Variants in CATSPERD observed in about 807,000 individuals in gnomAD.
CATSPERD encodes the protein cation channel sperm-associated auxiliary subunit delta.
CATSPERD carries 86 observed loss-of-function variants against 98.1 expected under a neutral mutation model. That is an observed-to-expected ratio of 0.88 (90% CI 0.74 to 1.05). The LOEUF (loss-of-function observed/expected upper bound fraction) is 1.05, where lower values mean the gene tolerates loss of function less well. Among genes scored for constraint, CATSPERD ranks in the 50% least tolerant of loss-of-function variants. The probability of loss-of-function intolerance (pLI) is 0.00; values close to 1 mark genes in which losing one functional copy is unlikely to be tolerated. For missense variants in CATSPERD, 995 were observed against 1,005.7 expected (o/e 0.99, Z 0.14); for synonymous variants, 394 against 390.2 (o/e 1.01, Z -0.12).
At chr19:5,746,321 G>A (rs541381158) in intron 9 of CATSPERD, among the ~76,000 whole-genome samples, 50 of 152,308 alleles carry the variant, frequency 3.3e-4, no homozygotes, top group Admixed American at 9.2e-4. Flanking sequence ...AAGAGTCTCC[G>A]TCATGGAGGT....
At chr19:5,770,828 T>G in intron 18 of CATSPERD, 116 bp from the exon 19 acceptor site, 1 of 1,249,182 alleles carries the variant, frequency 8.0e-7, no homozygotes, top group Non-Finnish European at 1.1e-6. Context: ...AGATGCCACC[T>G]CCTGCCACTC....
chr19:5,757,816 G>A, intron 13 of CATSPERD, 27 bp from the exon 14 acceptor site: 5 of 1,592,954 alleles, frequency 3.1e-6, no homozygotes, highest in Non-Finnish European at 4.3e-6. Flanking sequence ...GCTCCGTACA[G>A]CCTGAGCTTC....
At chr19:5,738,033 C>G (rs1400063993) in intron 6 of CATSPERD, among the ~76,000 whole-genome samples, 1 of 151,856 alleles carries the variant, frequency 6.6e-6, no homozygotes. Flanking sequence ...TATAGTTGAC[C>G]TTTGAACAAC....
At chr19:5,759,322 G>A (rs954152286) in intron 15 of CATSPERD, among the ~76,000 whole-genome samples, 178 bp downstream of exon 15, 1 of 152,036 alleles carries the variant, frequency 6.6e-6, no homozygotes, top group Non-Finnish European at 1.5e-5. Context: ...AGTACTTTGG[G>A]AGGCAGAGGT....
At position 5,771,049 on chromosome 19, in the gene CATSPERD, C is replaced by T; in HGVS notation, c.1740C>T (p.Thr580=). Residue 580 remains threonine (T), a synonymous_variant, in exon 19 of 22, where the codon ACC becomes ACT. Transcript: ENST00000381624. The part of the protein sequence containing the change: ...LGCPLLVYYD[T]LWKPVVELWR... ...GTCCTCTCCTCGTCTACTATGACAC[C>T]CTATGGAAGCCCGTGGTGGAGCTGT... 1.9e-6 allele frequency: 3 copies of T among 1,613,838 alleles called. No homozygotes were observed. Among genetic ancestry groups the T allele is most frequent in the Non-Finnish European group, 2.5e-6 (3 of 1,179,896 alleles).
At chr19:5,769,209 C>A (rs2056601085) in intron 18 of CATSPERD, among the ~76,000 whole-genome samples, 1 of 150,528 alleles carries the variant, frequency 6.6e-6, no homozygotes, top group Admixed American at 6.6e-5. Flanking sequence ...GTGGCTCACA[C>A]CTGTAATCCC....
chr19:5,740,307 G>C (rs921911939), intron 7 of CATSPERD, among the ~76,000 whole-genome samples: 2 of 148,956 alleles, frequency 1.3e-5, no homozygotes, highest in South Asian at 4.3e-4. Flanking sequence ...AATAAAATAA[G>C]CTGGGCGCAG....
intron 11 of CATSPERD, 116 bp from the exon 12 acceptor site, chr19:5,751,531 C>CAAAAAAAAAAAAAAA (rs57266365): frequency 2.6e-5 from 4 of 155,740 alleles, no homozygotes; most frequent in African/African-American, 2.4e-4. Flanking sequence ...GAGACTCCAT[C>CAAAAAAAAAAAAAAA]AAAAAAAAAA....
At position 5,778,415 on chromosome 19, in the gene CATSPERD, T is replaced by C; in HGVS notation, c.2136T>C (p.Tyr712=). ...QLETIFSIYV[Y]GAFPVQLVSA... ...AGACCATCTTTAGCATCTACGTGTA[T>C]GGAGCATTCCCCGTGCAGCTGGTCT... The change falls in exon 22 of 22, where the codon TAT becomes TAC. Residue 712 remains tyrosine, a synonymous_variant. Transcript: ENST00000381624. 1 of 1,613,654 alleles carries C rather than the reference T, an allele frequency of 6.2e-7. No homozygotes were observed. Among genetic ancestry groups the C allele is most frequent in the Non-Finnish European group, 8.5e-7 (1 of 1,179,942 alleles).
intron 17 of CATSPERD, 34 bp downstream of exon 17, chr19:5,766,189 T>C: frequency 6.3e-7 from 1 of 1,590,558 alleles, no homozygotes; most frequent in Non-Finnish European, 8.6e-7. Flanking sequence ...CATGGCTCAT[T>C]CCTGTGATCC....
At chr19:5,733,432 C>CCTTTCTTT (rs58636983) in intron 4 of CATSPERD, among the ~76,000 whole-genome samples, 2 of 144,800 alleles carry the variant, frequency 1.4e-5, no homozygotes, top group Non-Finnish European at 3.0e-5. Flanking sequence ...CTTCCTTCCT[C>CCTTTCTTT]CTTTCTTTCT....
At position 5,763,288 on chromosome 19, in the gene CATSPERD, C is replaced by T; in HGVS notation, c.1501C>T (p.Pro501Ser). The T allele has an allele frequency of 6.2e-7, 1 of 1,613,062 alleles. No homozygotes were observed. Among genetic ancestry groups the T allele is most frequent in the Non-Finnish European group, 8.5e-7 (1 of 1,179,114 alleles). The change falls in exon 16 of 22, where the codon CCA becomes TCA. Residue 501 changes from proline to serine, a missense_variant. This residue lies in a region of CATSPERD where 762 missense variants were observed against 773.7 expected (regional missense o/e 0.98). Coordinates refer to ENST00000381624, the MANE Select transcript of CATSPERD (RefSeq NM_152784.4). ...NKEISCVDIKPLSTLISVGCD... is the reference protein window; with the variant it reads ...NKEISCVDIKSLSTLISVGCD... ...GGAAATTTCATGTGTGGATATCAAG[C>T]CACTGGTAGGTCCCAAATCTTTGCT...
chr19:5,722,410 C>T (rs1219845231), intron 1 of CATSPERD, among the ~76,000 whole-genome samples: 2 of 152,138 alleles, frequency 1.3e-5, no homozygotes, highest in Admixed American at 6.6e-5. Context: ...CGTGTGCCAC[C>T]GCGCCCGGCC....
intron 18 of CATSPERD, among the ~76,000 whole-genome samples, chr19:5,770,075 C>T (rs541596668): frequency 1.0e-3 from 127 of 123,022 alleles, no homozygotes; most frequent in Non-Finnish European, 1.7e-3. Flanking sequence ...GGCAACAGAG[C>T]GAGACTCTGT....
chr19:5,777,236 A>G (rs2056754794), intron 21 of CATSPERD, among the ~76,000 whole-genome samples: 1 of 151,938 alleles, frequency 6.6e-6, no homozygotes, highest in Non-Finnish European at 1.5e-5. Flanking sequence ...TGCCTTCTCT[A>G]GAGGCCCCAG....
At chr19:5,769,700 C>A (rs371448985) in intron 18 of CATSPERD, among the ~76,000 whole-genome samples, 3 of 152,114 alleles carry the variant, frequency 2.0e-5, no homozygotes, top group African/African-American at 7.2e-5. Context: ...GACTTTGGAA[C>A]CTGCGGAGGA....
At chr19:5,777,203 G>GA (rs368828906) in intron 21 of CATSPERD, among the ~76,000 whole-genome samples, 51 of 150,490 alleles carry the variant, frequency 3.4e-4, no homozygotes, top group African/African-American at 9.0e-4. Flanking sequence ...TTCACCCCCT[G>GA]AAAAAAAAAC....
intron 11 of CATSPERD, among the ~76,000 whole-genome samples, chr19:5,750,724 G>A (rs2056196442): frequency 6.6e-6 from 1 of 151,774 alleles, no homozygotes; most frequent in Non-Finnish European, 1.5e-5. Context: ...GACAGAGTGA[G>A]GCTCCATCTC....
At chr19:5,724,950 G>A (rs531333883) in intron 2 of CATSPERD, 88 bp downstream of exon 2, 26 of 1,173,626 alleles carry the variant, frequency 2.2e-5, no homozygotes, top group African/African-American at 1.2e-4. Flanking sequence ...TTGGGTGCCC[G>A]TGTTGTCAAG....
Sources: allele counts gnomAD v4.1 joint callset (sites outside exome capture counted in the v4.1 genomes callset), GRCh38; gene constraint gnomAD v4.1.1; regional missense constraint gnomAD v4.1.1; transcripts MANE v1.5; gene names NCBI Gene and HGNC (gene_info 2026-07-23, HGNC 2026-07-21).